ACBD6: variants seen among roughly 807,000 people sequenced by gnomAD.
The protein encoded by ACBD6 is acyl-CoA binding domain containing 6, also known as acyl-CoA-binding domain-containing protein 6.
A neutral mutation model predicts 37.2 loss-of-function variants in ACBD6; 28 were observed. The ratio of observed to expected loss-of-function variants is 0.75; its 90% CI spans 0.56 to 1.03. The LOEUF is 1.03. Among genes scored for constraint, ACBD6 ranks in the 50% least tolerant of loss-of-function variants. The probability of loss-of-function intolerance (pLI) is 0.00; values close to 1 mark genes in which losing one functional copy is unlikely to be tolerated. For synonymous variants in ACBD6, 113 were observed against 126.8 expected (o/e 0.89, Z 0.73); for missense variants, 340 against 337.4 (o/e 1.01, Z -0.06).
intron 3 of ACBD6, among the ~76,000 whole-genome samples, chr1:180,440,095 GAA>G (rs1157859408): frequency 2.6e-5 from 4 of 151,786 alleles, no homozygotes; most frequent in Non-Finnish European, 5.9e-5. Context: ...TGTTTATTTG[GAA>G]AAAGTTTTTA....
At chr1:180,386,812 T>C (rs1191347714) in intron 6 of ACBD6, among the ~76,000 whole-genome samples, 1 of 134,080 alleles carries the variant, frequency 7.5e-6, no homozygotes, top group Non-Finnish European at 1.7e-5. Context: ...TTTTTTCCAC[T>C]TGTTTCAAGA....
intron 3 of ACBD6, among the ~76,000 whole-genome samples, chr1:180,463,383 AC>A (rs574725466): frequency 1.2e-3 from 187 of 152,288 alleles, no homozygotes; most frequent in African/African-American, 4.2e-3. Flanking sequence ...ATTACCACTG[AC>A]CCCACAGAAA....
At chr1:180,453,870 C>T (rs184890991) in intron 3 of ACBD6, among the ~76,000 whole-genome samples, 4 of 152,222 alleles carry the variant, frequency 2.6e-5, no homozygotes, top group Admixed American at 1.3e-4. Context: ...AACTACAAAC[C>T]ACTGCTCAAG....
At chr1:180,312,015 A>C (rs890709159) in intron 7 of ACBD6, among the ~76,000 whole-genome samples, 1 of 152,210 alleles carries the variant, frequency 6.6e-6, no homozygotes, top group Non-Finnish European at 1.5e-5. Context: ...TATTTGGAAG[A>C]ACAAGTCCTT....
rs78445208 is a variant in ACBD6, at chr1:180,395,764, G to A, written c.663+1752C>T. Among the ~76,000 whole-genome samples, 834 of 152,196 alleles carry A rather than the reference G, an allele frequency of 5.5e-3. 7 individuals carry two copies. The highest frequency in any genetic ancestry group is 0.019 in the African/African-American group (786 of 41,530). Reference sequence around the variant, plus strand: ...ATGGCAATTCCTCAAAAAATTAAACGTAGAATTATCATATGATCAAGCTAT... The same window carrying A: ...ATGGCAATTCCTCAAAAAATTAAACATAGAATTATCATATGATCAAGCTAT... On this transcript the variant is annotated intron_variant, in intron 6 of 7. Transcript: ENST00000367595.
chr1:180,487,304 T>C (rs930114682), intron 3 of ACBD6, among the ~76,000 whole-genome samples: 2 of 152,052 alleles, frequency 1.3e-5, no homozygotes, highest in African/African-American at 4.8e-5. Context: ...AGTTACCCAC[T>C]GCCAACCCAA....
intron 6 of ACBD6, among the ~76,000 whole-genome samples, chr1:180,341,936 T>G (rs1651999020): frequency 6.6e-6 from 1 of 152,164 alleles, no homozygotes; most frequent in Non-Finnish European, 1.5e-5. Flanking sequence ...TCATGGTTAC[T>G]TATAAGTAGC....
exon 14 of ACBD6, chr1:180,271,048 C>T: frequency 2.5e-6 from 1 of 392,402 alleles, no homozygotes; most frequent in South Asian, 2.1e-5. Context: ...GATGTGTGAG[C>T]AGAGTGTTTG....
At chr1:180,493,490 C>A (rs1651607582) in intron 2 of ACBD6, among the ~76,000 whole-genome samples, 1 of 152,038 alleles carries the variant, frequency 6.6e-6, no homozygotes, top group Non-Finnish European at 1.5e-5. Context: ...GATTTGCTGT[C>A]AAACAGAACT....
downstream of ACBD6, among the ~76,000 whole-genome samples, chr1:180,287,875 C>T (rs937273755): frequency 6.6e-6 from 1 of 152,094 alleles, no homozygotes; most frequent in African/African-American, 2.4e-5. Context: ...TTCTTAACAT[C>T]CCTCTTCTTT....
intron 1 of ACBD6, among the ~76,000 whole-genome samples, chr1:180,501,452 C>G (rs548004656): frequency 1.3e-5 from 2 of 152,142 alleles, no homozygotes; most frequent in Admixed American, 6.5e-5. Context: ...CTCAGCCTCC[C>G]GAGTAGCTGG....
intron 3 of ACBD6, among the ~76,000 whole-genome samples, chr1:180,434,369 G>A (rs1648936547): frequency 6.6e-6 from 1 of 152,126 alleles, no homozygotes; most frequent in African/African-American, 2.4e-5. Context: ...GCCCTGCAAA[G>A]CCATCTCTTA....
At chr1:180,446,105 ATC>A (rs1486455344) in intron 3 of ACBD6, among the ~76,000 whole-genome samples, 2 of 151,280 alleles carry the variant, frequency 1.3e-5, no homozygotes, top group African/African-American at 4.9e-5. Flanking sequence ...GGCTCAAGGG[ATC>A]TCCTCCCACC....
At chr1:180,382,147 C>T (rs1002348020) in intron 6 of ACBD6, among the ~76,000 whole-genome samples, 4 of 145,684 alleles carry the variant, frequency 2.7e-5, no homozygotes, top group Non-Finnish European at 6.0e-5. Flanking sequence ...AAAGGAGAAA[C>T]AAGAACAAAC....
Position 180,314,675 on chromosome 1 carries a change from A to G in ACBD6, c.694+17T>C. 6.6e-7 allele frequency: 1 copy of G among 1,511,354 alleles called. No homozygotes were observed. Among genetic ancestry groups the G allele is most frequent in the Non-Finnish European group, 9.2e-7 (1 of 1,089,372 alleles). The allele number at this position is 1,511,354 out of a possible 1,614,324, so 93.6% of individuals were successfully genotyped here. A position where few individuals can be genotyped will look rare whatever the true frequency, so the allele number is the denominator to read the frequency against. On this transcript the variant is annotated intron_variant, in intron 7 of 7. Transcript: ENST00000367595. Reference sequence around the variant, plus strand: ...TATGTTCAAATATGATTACTTAATAATTTAGAAACTTCTTACCATAATGTA... The same window carrying G: ...TATGTTCAAATATGATTACTTAATAGTTTAGAAACTTCTTACCATAATGTA...
At chr1:180,364,786 T>C (rs932271757) in intron 6 of ACBD6, among the ~76,000 whole-genome samples, 4 of 148,484 alleles carry the variant, frequency 2.7e-5, no homozygotes, top group African/African-American at 1.0e-4. Flanking sequence ...CTGGCTGGAG[T>C]ACAGTAGCGC....
intron 7 of ACBD6, among the ~76,000 whole-genome samples, chr1:180,300,368 A>T (rs1650083932): frequency 6.6e-6 from 1 of 152,218 alleles, no homozygotes; most frequent in South Asian, 2.1e-4. Flanking sequence ...ATCCTCTGGC[A>T]TATAATAGGT....
intron 6 of ACBD6, among the ~76,000 whole-genome samples, chr1:180,387,137 T>C (rs1419310127): frequency 6.6e-6 from 1 of 152,236 alleles, no homozygotes; most frequent in Non-Finnish European, 1.5e-5. Flanking sequence ...TCTGCCTTGC[T>C]TGTGTGCTAC....
At chr1:180,364,405 A>G (rs552105890) in intron 6 of ACBD6, among the ~76,000 whole-genome samples, 43 of 152,362 alleles carry the variant, frequency 2.8e-4, no homozygotes, top group African/African-American at 1.0e-3. Context: ...TAGGTTGGTG[A>G]AACTAGTCTG....
Sources: gnomAD v4.1 joint callset for allele counts (sites outside exome capture counted in the v4.1 genomes callset) on GRCh38, gnomAD v4.1.1 for gene constraint, MANE v1.5 for transcripts, NCBI Gene and HGNC (gene_info 2026-07-23, HGNC 2026-07-21) for gene names.